FOXO1: variants seen among roughly 807,000 people sequenced by gnomAD.
The protein encoded by FOXO1 is forkhead box protein O1.
Under a neutral mutation model 44.1 loss-of-function variants are expected in FOXO1, and 6 were observed. The observed-to-expected ratio is 0.14, with a 90% CI of 0.07 to 0.27. The LOEUF (loss-of-function observed/expected upper bound fraction) is 0.27, where lower values mean the gene tolerates loss of function less well. FOXO1 is among the 10% of genes least tolerant of loss of function. The probability of loss-of-function intolerance (pLI) is 1.00; values close to 1 mark genes in which losing one functional copy is unlikely to be tolerated. For synonymous variants in FOXO1, 380 were observed against 362.7 expected, an observed-to-expected ratio of 1.05 and a Z score of -0.54; for missense variants, 737 against 888.8, an observed-to-expected ratio of 0.83 and a Z score of 2.17.
chr13:40,641,653 G>C (rs1566082973), intron 1 of FOXO1, among the ~76,000 whole-genome samples: 1 of 151,888 alleles, frequency 6.6e-6, no homozygotes, highest in Non-Finnish European at 1.5e-5. Flanking sequence ...CTTTGCTGTA[G>C]CAAACTGAAG....
chr13:40,636,537 T>G (rs1877162186), intron 1 of FOXO1, among the ~76,000 whole-genome samples: 1 of 150,724 alleles, frequency 6.6e-6, no homozygotes, highest in African/African-American at 2.4e-5. Context: ...TTTTTTTTTT[T>G]GAGACAGAGT....
At chr13:40,619,122 A>G (rs1876521543) in intron 1 of FOXO1, 2 of 367,422 alleles carry the variant, frequency 5.4e-6, no homozygotes, top group South Asian at 4.2e-5. Flanking sequence ...CATCTCTACT[A>G]AACAGATATA....
chr13:40,619,399 C>T (rs1246755001), intron 1 of FOXO1: 5 of 797,978 alleles, frequency 6.3e-6, no homozygotes, highest in Middle Eastern at 2.3e-4. Context: ...GAACACCTTT[C>T]GGGGCACAGG....
rs377702070 is a variant in FOXO1 at position 40,600,262 on chromosome 13, G to A, written c.631-39402C>T. Among the ~76,000 whole-genome samples, 8 of 152,300 alleles carry A rather than the reference G, an allele frequency of 5.3e-5. No individual in the cohort carries two copies. The East Asian group carries it at 1.4e-3, about 26-fold the overall frequency. On this transcript the variant is annotated intron_variant, in intron 1 of 2. Coordinates refer to ENST00000379561, the MANE Select transcript of FOXO1 (RefSeq NM_002015.4). ...TCAGGAGAAAAGATGGAGAGAAATG[G>A]ACACGAGAGGTGAAGAACAAGATAG...
At chr13:40,657,203 C>T (rs918513110) in intron 1 of FOXO1, among the ~76,000 whole-genome samples, 3 of 152,076 alleles carry the variant, frequency 2.0e-5, no homozygotes, top group Admixed American at 6.6e-5. Context: ...TATGATCAAG[C>T]AAGCATAATG....
chr13:40,587,377 C>T (rs1301996338), intron 1 of FOXO1, among the ~76,000 whole-genome samples: 1 of 151,108 alleles, frequency 6.6e-6, no homozygotes, highest in Non-Finnish European at 1.5e-5. Context: ...GGAAGGAAAA[C>T]AAAAATGACT....
At position 40,666,632 on chromosome 13, in the gene FOXO1, T is replaced by G; in HGVS notation, c.-420A>C. On this transcript the variant is annotated 5_prime_UTR_variant, in exon 1 of 3. Transcript: ENST00000379561. ...TGCTGCGACTACCAGGCCGCCCGAC[T>G]TACGGGATCTGCCGCCGCCCCCCGC... The G allele has an allele frequency of 5.7e-6, 1 of 175,562 alleles. No homozygotes were observed. Among genetic ancestry groups the G allele is most frequent in the Non-Finnish European group, 1.2e-5 (1 of 82,150 alleles). 10.9% of individuals were successfully genotyped at this position (175,562 alleles called of 1,614,324 possible). A position where few individuals can be genotyped will look rare whatever the true frequency, so the allele number is the denominator to read the frequency against.
intron 1 of FOXO1, among the ~76,000 whole-genome samples, chr13:40,618,215 C>T (rs760494994): frequency 1.3e-5 from 2 of 152,102 alleles, no homozygotes; most frequent in Non-Finnish European, 2.9e-5. Flanking sequence ...GTAGCTGGGA[C>T]AACAGGCATA....
At position 40,661,425 on chromosome 13, in the gene FOXO1, T is replaced by C. The variant is rs149495870; in HGVS notation, c.630+4158A>G. On this transcript the variant is annotated intron_variant, in intron 1 of 2. Coordinates refer to ENST00000379561, the MANE Select transcript of FOXO1 (RefSeq NM_002015.4). The stretch of plus-strand genomic sequence containing the variant: ...CGAGTAGTTGGGATTATTGGCACGA[T>C]AGCTGGGACTACAGGCACCTGCCAC... 1.0e-3 allele frequency among the ~76,000 whole-genome samples: 158 copies of C among 152,072 alleles called. 1 individual carries two copies. The highest frequency in any genetic ancestry group is 3.4e-3 in the African/African-American group (140 of 41,476).
chr13:40,568,498 T>TA (rs1226317884), intron 1 of FOXO1, among the ~76,000 whole-genome samples: 1 of 152,198 alleles, frequency 6.6e-6, no homozygotes, highest in African/African-American at 2.4e-5. Flanking sequence ...CAACAACTTT[T>TA]AAAAATAATC....
chr13:40,580,420 A>C (rs996596636), intron 1 of FOXO1, among the ~76,000 whole-genome samples: 1 of 152,206 alleles, frequency 6.6e-6, no homozygotes, highest in Non-Finnish European at 1.5e-5. Flanking sequence ...GCTTGCTGTC[A>C]CACAAACCTG....
At chr13:40,559,247 T>C (rs1224205308) in intron 2 of FOXO1, among the ~76,000 whole-genome samples, 2 of 152,174 alleles carry the variant, frequency 1.3e-5, no homozygotes, top group Admixed American at 6.5e-5. Flanking sequence ...AATGTATTCA[T>C]TTATTGAAGA....
rs566549109 is a variant in FOXO1, at chr13:40,558,633, A to G, written c.*416T>C. 2 of 389,034 alleles carry G rather than the reference A, an allele frequency of 5.1e-6. No individual in the cohort carries two copies. The highest frequency in any genetic ancestry group is 9.1e-6 in the Non-Finnish European group (2 of 220,402). The allele number at this position is 389,034 out of a possible 1,614,324, so 24.1% of individuals were successfully genotyped here. On this transcript the variant is annotated 3_prime_UTR_variant, in exon 3 of 3. Transcript: ENST00000379561. ...TGAGGCCCATCACAGTATTACAAAAAGAGTATAAACTTTCCTTGGACCAAT... is the reference window on the plus strand; with the variant it reads ...TGAGGCCCATCACAGTATTACAAAAGGAGTATAAACTTTCCTTGGACCAAT...
At chr13:40,611,068 T>C (rs753543867) in intron 1 of FOXO1, 41 of 456,270 alleles carry the variant, frequency 9.0e-5, no homozygotes, top group Non-Finnish European at 1.5e-4. Context: ...TGTATCTTCA[T>C]CAAAAATAAA....
chr13:40,666,207 G>C lies in FOXO1; in HGVS notation c.6C>G (p.Ala2=). ...CGATCTCCACCACCTGAGGCGCCTC[G>C]GCCATGGTGACCCCCGCCCCTCCCC... is the stretch of plus-strand genomic sequence containing the variant. M[A]EAPQVVEIDP... Residue 2 remains alanine, a synonymous_variant, in exon 1 of 3, where the codon GCC becomes GCG. Coordinates refer to ENST00000379561, the MANE Select transcript of FOXO1 (RefSeq NM_002015.4). 7.0e-7 allele frequency: 1 copy of C among 1,430,806 alleles called. No individual in the cohort carries two copies. 88.6% of individuals were successfully genotyped at this position (1,430,806 alleles called of 1,614,324 possible).
chr13:40,622,660 GGGGCCAATAATGACTTGCTTCA>G (rs1167152362), intron 1 of FOXO1, among the ~76,000 whole-genome samples: 3 of 152,184 alleles, frequency 2.0e-5, no homozygotes, highest in African/African-American at 7.2e-5. Flanking sequence ...TGTGCAAAAT[GGGGCCAATAATGACTTGCTTCA>G]GGCTTGTCAT....
intron 1 of FOXO1, among the ~76,000 whole-genome samples, chr13:40,624,121 T>C (rs1283181107): frequency 2.7e-5 from 4 of 150,382 alleles, no homozygotes; most frequent in African/African-American, 4.9e-5. Context: ...AAATAAGAAA[T>C]AAAAGACTCC....
At chr13:40,564,644 A>G (rs1042170727) in intron 1 of FOXO1, among the ~76,000 whole-genome samples, 4 of 152,222 alleles carry the variant, frequency 2.6e-5, no homozygotes, top group Non-Finnish European at 5.9e-5. Flanking sequence ...GAGCCGCGTG[A>G]GACTGCTGGG....
At chr13:40,658,881 G>T (rs1593418812) in intron 1 of FOXO1, among the ~76,000 whole-genome samples, 1 of 152,102 alleles carries the variant, frequency 6.6e-6, no homozygotes, top group Non-Finnish European at 1.5e-5. Flanking sequence ...GCGTGGTGGT[G>T]GGCGCCTGTA....
Sources: gnomAD v4.1 joint callset for allele counts (sites outside exome capture counted in the v4.1 genomes callset) on GRCh38, gnomAD v4.1.1 for gene constraint, MANE v1.5 for transcripts, NCBI Gene and HGNC (gene_info 2026-07-23, HGNC 2026-07-21) for gene names.